Variants in RNLS observed in about 807,000 individuals in gnomAD.
RNLS encodes renalase, FAD dependent amine oxidase, also known as renalase.
A neutral mutation model predicts 39.8 loss-of-function variants in RNLS; 39 were observed. That is an observed-to-expected ratio of 0.98 (90% CI 0.76 to 1.28). The LOEUF is 1.28. Among genes scored for constraint, RNLS ranks in the 50% most tolerant of loss-of-function variants. The pLI is 0.00. For synonymous variants in RNLS, 147 were observed against 150.7 expected (o/e 0.98, Z 0.18); for missense variants, 410 against 413.3 (o/e 0.99, Z 0.07).
chr10:88,286,244 G>C (rs1258806129), intron 6 of RNLS, among the ~76,000 whole-genome samples: 1 of 152,034 alleles, frequency 6.6e-6, no homozygotes, highest in Non-Finnish European at 1.5e-5. Flanking sequence ...GCTGAACATT[G>C]GAGCAGGAGA....
chr10:88,330,812 A>T (rs1847061904), intron 5 of RNLS, among the ~76,000 whole-genome samples: 1 of 152,134 alleles, frequency 6.6e-6, no homozygotes, highest in Admixed American at 6.5e-5. Flanking sequence ...AATATTTAAA[A>T]TTTTTTGTAA....
chr10:88,199,463 C>T, the RNLS span, among the ~76,000 whole-genome samples: 3 of 152,150 alleles, frequency 2.0e-5, no homozygotes, highest in African/African-American at 7.2e-5. Context: ...GTTGTAACAA[C>T]CAAAAATGTC....
In RNLS at chr10:88,310,307, A is replaced by G. The variant is rs117820356; in HGVS notation, c.876+4159T>C. 7.1e-3 allele frequency among the ~76,000 whole-genome samples: 1,076 copies of G among 152,276 alleles called. 12 individuals are homozygous for G. Among genetic ancestry groups the G allele is most frequent in the Non-Finnish European group, 0.013 (872 of 68,022 alleles). Reference sequence around the variant, plus strand: ...AAGACTGGGCCACGAGAGACTCTTGATTTATTCAGGTAATAGCGGTATAAC... The same window carrying G: ...AAGACTGGGCCACGAGAGACTCTTGGTTTATTCAGGTAATAGCGGTATAAC... On this transcript the variant is annotated intron_variant, in intron 6 of 6. Coordinates refer to ENST00000331772, the MANE Select transcript of RNLS (RefSeq NM_001031709.3).
chr10:88,199,576 G>A, the RNLS span, among the ~76,000 whole-genome samples: 1 of 152,184 alleles, frequency 6.6e-6, no homozygotes, highest in African/African-American at 2.4e-5. Context: ...GAGGTCTGGA[G>A]CAAGTGACTG....
the RNLS span, among the ~76,000 whole-genome samples, chr10:88,214,001 G>C: frequency 1.3e-5 from 2 of 152,134 alleles, no homozygotes; most frequent in Non-Finnish European, 2.9e-5. Flanking sequence ...GGGCACAGCT[G>C]GATTCAGGAC....
intron 4 of RNLS, among the ~76,000 whole-genome samples, chr10:88,413,843 T>C (rs1853850210): frequency 6.6e-6 from 1 of 152,162 alleles, no homozygotes; most frequent in African/African-American, 2.4e-5. Flanking sequence ...GAAGTTTTCC[T>C]ATGTCAATAC....
At chr10:88,487,961 A>T (rs1398067858) in intron 4 of RNLS, among the ~76,000 whole-genome samples, 1 of 152,216 alleles carries the variant, frequency 6.6e-6, no homozygotes, top group Non-Finnish European at 1.5e-5. Flanking sequence ...GTAAAGAACT[A>T]AGACAAGAAA....
downstream of RNLS, among the ~76,000 whole-genome samples, chr10:88,270,085 C>T (rs1268381374): frequency 6.6e-6 from 1 of 152,186 alleles, no homozygotes; most frequent in Non-Finnish European, 1.5e-5. Flanking sequence ...GAAGAAGAGT[C>T]ATTTCTTTAA....
rs1351427553 is a variant in RNLS, at chr10:88,348,057, A to G, written c.700+14495T>C. On this transcript the variant is annotated intron_variant, in intron 5 of 6. Coordinates refer to ENST00000331772, the MANE Select transcript of RNLS (RefSeq NM_001031709.3). The stretch of plus-strand genomic sequence containing the variant: ...ACCTTTGTTAGTGGGGAGGTCTGAA[A>G]GACTGCGCCAGTTCCCACCTGTGAC... Among the ~76,000 whole-genome samples the G allele has an allele frequency of 3.3e-5, 5 of 152,254 alleles. No homozygotes were observed. The East Asian group carries it at 9.6e-4, about 29-fold the overall frequency.
At chr10:88,232,340 C>T in the RNLS span, among the ~76,000 whole-genome samples, 1 of 152,222 alleles carries the variant, frequency 6.6e-6, no homozygotes, top group Admixed American at 6.5e-5. Flanking sequence ...GATCCAGACA[C>T]ATGGCCACTA....
intron 5 of RNLS, among the ~76,000 whole-genome samples, chr10:88,320,822 A>G (rs2133092234): frequency 6.7e-6 from 1 of 149,370 alleles, no homozygotes; most frequent in Middle Eastern, 3.4e-3. Flanking sequence ...AGACCTAAAG[A>G]GAAGAGATAG....
At chr10:88,507,402 C>T (rs1405543776) in intron 4 of RNLS, among the ~76,000 whole-genome samples, 1 of 152,016 alleles carries the variant, frequency 6.6e-6, no homozygotes, top group Non-Finnish European at 1.5e-5. Flanking sequence ...CAGCTGTAAA[C>T]AAATCAATAA....
At chr10:88,382,185 G>A (rs1352025188) in intron 4 of RNLS, among the ~76,000 whole-genome samples, 1 of 152,004 alleles carries the variant, frequency 6.6e-6, no homozygotes, top group Non-Finnish European at 1.5e-5. Context: ...TTTTTAAACT[G>A]CCATTTCATA....
chr10:88,403,884 A>T (rs76137893), intron 4 of RNLS, among the ~76,000 whole-genome samples: 1 of 149,474 alleles, frequency 6.7e-6, no homozygotes, highest in Admixed American at 6.7e-5. Flanking sequence ...AATAAAACAT[A>T]AAAAAAAAAT....
chr10:88,408,289 TC>T (rs1459718534), intron 4 of RNLS, among the ~76,000 whole-genome samples: 1 of 152,120 alleles, frequency 6.6e-6, no homozygotes, highest in African/African-American at 2.4e-5. Flanking sequence ...AGATGAAACT[TC>T]TCCCTTTCCA....
At chr10:88,449,429 T>C (rs1458950039) in intron 4 of RNLS, among the ~76,000 whole-genome samples, 3 of 152,200 alleles carry the variant, frequency 2.0e-5, no homozygotes, top group Non-Finnish European at 2.9e-5. Context: ...AGTGTCACCT[T>C]CTCTAGGAAG....
intron 5 of RNLS, among the ~76,000 whole-genome samples, chr10:88,336,094 G>A (rs913214525): frequency 6.6e-6 from 1 of 152,154 alleles, no homozygotes; most frequent in African/African-American, 2.4e-5. Flanking sequence ...ACAAAGCTAT[G>A]ACACATTTAG....
chr10:88,555,914 A>G, intron 4 of RNLS, among the ~76,000 whole-genome samples: 1 of 152,108 alleles, frequency 6.6e-6, no homozygotes, highest in East Asian at 1.9e-4. Context: ...CTTGGACCTC[A>G]TCCAGTTCCA....
chr10:88,368,063 C>T lies in RNLS; in HGVS notation c.527-5338G>A, dbSNP rs1052666966. ...TGTGTCCTGCTTAAGATGTTTTTGCCAATAGCCTACTTCAAGATCATAAAG... is the reference window on the plus strand; with the variant it reads ...TGTGTCCTGCTTAAGATGTTTTTGCTAATAGCCTACTTCAAGATCATAAAG... On this transcript the variant is annotated intron_variant, in intron 4 of 6. Coordinates refer to ENST00000331772, the MANE Select transcript of RNLS (RefSeq NM_001031709.3). Among the ~76,000 whole-genome samples, 3 of 150,542 alleles carry T rather than the reference C, an allele frequency of 2.0e-5. No homozygotes were observed. In the East Asian group the frequency reaches 5.8e-4, roughly 29 times the overall value.
Sources: gnomAD v4.1 joint callset for allele counts (sites outside exome capture counted in the v4.1 genomes callset) on GRCh38, gnomAD v4.1.1 for gene constraint, MANE v1.5 for transcripts, NCBI Gene and HGNC (gene_info 2026-07-23, HGNC 2026-07-21) for gene names.